TAF15: variants seen among roughly 807,000 people sequenced by gnomAD.
TAF15 encodes the protein TATA-box binding protein associated factor 15, also known as TATA-binding protein-associated factor 2N.
In TAF15, 37 loss-of-function variants were observed where a neutral mutation model predicts 102.5. The observed-to-expected ratio is 0.36, with a 90% CI of 0.28 to 0.47. The LOEUF is 0.47. Among genes scored for constraint, TAF15 ranks in the 20% least tolerant of loss-of-function variants. The pLI is 0.99. For missense variants in TAF15, 652 were observed against 760.7 expected (o/e 0.86, Z 1.68); for synonymous variants, 273 against 259.2 (o/e 1.05, Z -0.51).
chr17:35,817,249 G>A (rs1460206571), intron 1 of TAF15: 1 of 149,664 alleles, frequency 6.7e-6, no homozygotes, highest in Admixed American at 6.7e-5. Context: ...GCAAGTCTTT[G>A]GAAATATTTT....
chr17:35,812,007 A>G (rs1347188312), intron 1 of TAF15, among the ~76,000 whole-genome samples: 1 of 152,180 alleles, frequency 6.6e-6, no homozygotes, highest in Non-Finnish European at 1.5e-5. Context: ...GAGGGCATAC[A>G]CCTTTTTTAG....
In TAF15 at chr17:35,820,023, G is replaced by A; in HGVS notation, c.48-1G>A. ...TCAAGTATTAAATTTTTCTTTTGCA[G>A]TTATTCTACCTATGGAAATCCAGGC... On this transcript the variant is annotated splice_acceptor_variant, in intron 2 of 15. Coordinates refer to ENST00000605844, the MANE Select transcript of TAF15 (RefSeq NM_139215.3). LOFTEE classifies it high-confidence loss of function. 1 of 1,613,754 alleles carries A rather than the reference G, an allele frequency of 6.2e-7. No individual in the cohort carries two copies. The highest frequency in any genetic ancestry group is 8.5e-7 in the Non-Finnish European group (1 of 1,179,784).
At chr17:35,842,519 A>G in intron 12 of TAF15, 60 bp downstream of exon 12, 1 of 1,333,714 alleles carries the variant, frequency 7.5e-7, no homozygotes, top group Non-Finnish European at 1.1e-6. Context: ...TTGAGTTCAT[A>G]CTCTGTTTCT....
Position 35,844,639 on chromosome 17 carries a change from G to A in TAF15, c.1340G>A (p.Gly447Asp), listed in dbSNP as rs1250046596. The A allele has an allele frequency of 3.1e-6, 5 of 1,602,468 alleles. No homozygotes were observed. The highest frequency in any genetic ancestry group is 4.3e-6 in the Non-Finnish European group (5 of 1,173,134). ...GGAGATAGAAGTGGGGGCGGCTATG[G>A]TGGAGACAGAAGTGGGGGTGGCTAT... ...YSGDRSGGGY[G>D]GDRSGGGYGG... The change falls in exon 15 of 16, where the codon GGT (glycine) becomes GAT (aspartate). Residue 447 changes from glycine (G) to aspartate (D), a missense_variant. Around this residue, in one of 3 missense-constraint regions of TAF15, gnomAD observed 368 missense variants for 367.5 expected, o/e 1.00. Coordinates refer to ENST00000605844, the MANE Select transcript of TAF15 (RefSeq NM_139215.3).
chr17:35,834,200 A>C, intron 8 of TAF15: 1 of 376,272 alleles, frequency 2.7e-6, no homozygotes, highest in Non-Finnish European at 4.6e-6. Flanking sequence ...TGTGGTGACC[A>C]ATGAATGACA....
intron 2 of TAF15, among the ~76,000 whole-genome samples, chr17:35,818,945 G>A (rs898587211): frequency 3.3e-5 from 5 of 151,884 alleles, no homozygotes; most frequent in African/African-American, 4.8e-5. Context: ...AATATTAAGC[G>A]TTTTTTTAGT....
intron 7 of TAF15, among the ~76,000 whole-genome samples, chr17:35,831,713 C>T (rs966354048): frequency 7.2e-5 from 11 of 152,130 alleles, no homozygotes; most frequent in African/African-American, 2.4e-4. Flanking sequence ...TAAAAGTCAT[C>T]TTTATCCTCG....
At chr17:35,843,882 G>A (rs2087577068) in intron 12 of TAF15, among the ~76,000 whole-genome samples, 195 bp from the exon 13 acceptor site, 1 of 152,158 alleles carries the variant, frequency 6.6e-6, no homozygotes, top group Non-Finnish European at 1.5e-5. Flanking sequence ...TGTGTGCCTA[G>A]GGTCTGTTTT....
intron 7 of TAF15, among the ~76,000 whole-genome samples, chr17:35,833,129 C>CT (rs2087426898): frequency 6.6e-6 from 1 of 151,488 alleles, no homozygotes; most frequent in African/African-American, 2.4e-5. Flanking sequence ...TGCACTTCAG[C>CT]CTGGGTGACA....
intron 9 of TAF15, among the ~76,000 whole-genome samples, chr17:35,835,892 A>T (rs2087468516): frequency 6.6e-6 from 1 of 152,260 alleles, no homozygotes; most frequent in South Asian, 2.1e-4. Flanking sequence ...ATTGGTATAT[A>T]GGTATTTCAC....
rs748472778 is a variant in TAF15 at position 35,844,796 on chromosome 17, A to C, written c.1497A>C (p.Gly499=). ...GTGGAGGCTATGGTGGAGACCGAGGAGGCTATGGAGGAGATCGAGGAGGTT... is the reference window on the plus strand; with the variant it reads ...GTGGAGGCTATGGTGGAGACCGAGGCGGCTATGGAGGAGATCGAGGAGGTT... The part of the protein sequence containing the change: ...DRGGGYGGDR[G]GYGGDRGGYG... The change falls in exon 15 of 16, where the codon GGA becomes GGC. Residue 499 remains glycine (G), a synonymous_variant. Transcript: ENST00000605844. 1.3e-6 allele frequency: 2 copies of C among 1,593,722 alleles called. No individual in the cohort carries two copies. Among genetic ancestry groups the C allele is most frequent in the Non-Finnish European group, 1.7e-6 (2 of 1,167,798 alleles).
chr17:35,844,673 C>G lies in TAF15; in HGVS notation c.1374C>G (p.Asp458Glu), dbSNP rs1204671510. Residue 458 changes from aspartate (D) to glutamate (E), a missense_variant, in exon 15 of 16, where the codon GAC (aspartate) becomes GAG (glutamate). Physicochemically the swap from Asp to Glu is conservative, Grantham distance 45. Transcript: ENST00000605844. ...GDRSGGGYGG[D>E]RGGGYGGDRG... Reference sequence around the variant, plus strand: ...GAAGTGGGGGTGGCTATGGTGGGGACAGAGGCGGCGGCTATGGTGGGGACA... The same window carrying G: ...GAAGTGGGGGTGGCTATGGTGGGGAGAGAGGCGGCGGCTATGGTGGGGACA... 1 of 1,598,776 alleles carries G rather than the reference C, an allele frequency of 6.3e-7. No individual in the cohort carries two copies. The highest frequency in any genetic ancestry group is 8.5e-7 in the Non-Finnish European group (1 of 1,173,650).
chr17:35,827,181 A>G (rs2087340446), intron 7 of TAF15, among the ~76,000 whole-genome samples: 1 of 151,610 alleles, frequency 6.6e-6, no homozygotes, highest in African/African-American at 2.4e-5. Flanking sequence ...TAAAACTACA[A>G]AAAAATTAGC....
At position 35,826,501 on chromosome 17, in the gene TAF15, C is replaced by CAA. The variant is rs372563700; in HGVS notation, c.605+2304_605+2305insAA. Among the ~76,000 whole-genome samples the CAA allele has an allele frequency of 3.0e-4, 46 of 151,880 alleles. 1 individual carries two copies. The highest frequency in any genetic ancestry group is 2.6e-3 in the Admixed American group (39 of 15,252). ...CGTAATTAATATGTAAATGAATAAA[C>CAA]AGAGTTGTGTTCCAGTAAAGCTTCA... is the stretch of plus-strand genomic sequence containing the variant. On this transcript the variant is annotated intron_variant, in intron 7 of 15. Coordinates refer to ENST00000605844, the MANE Select transcript of TAF15 (RefSeq NM_139215.3).
chr17:35,831,492 T>G (rs1459576649), intron 7 of TAF15, among the ~76,000 whole-genome samples: 1 of 152,160 alleles, frequency 6.6e-6, no homozygotes, highest in Non-Finnish European at 1.5e-5. Flanking sequence ...TTGTTTTATA[T>G]CCCTTTATTT....
In TAF15 at chr17:35,844,813, G is replaced by C. The variant is rs759651693; in HGVS notation, c.1514G>C (p.Arg505Pro). The change falls in exon 15 of 16, where the codon CGA (arginine) becomes CCA (proline). Residue 505 changes from arginine (R) to proline (P), a missense_variant. Physicochemically the swap from Arg to Pro is moderately radical, Grantham distance 103. Coordinates refer to ENST00000605844, the MANE Select transcript of TAF15 (RefSeq NM_139215.3). ...GGDRGGYGGDRGGYGGDRGGY... is the reference protein window; with the variant it reads ...GGDRGGYGGDPGGYGGDRGGY... ...GACCGAGGAGGCTATGGAGGAGATC[G>C]AGGAGGTTACGGAGGAGATCGAGGA... 6.3e-7 allele frequency: 1 copy of C among 1,596,878 alleles called. No individual in the cohort carries two copies. The highest frequency in any genetic ancestry group is 1.1e-5 in the South Asian group (1 of 90,414).
At chr17:35,813,251 A>G (rs2087148541) in intron 1 of TAF15, among the ~76,000 whole-genome samples, 1 of 152,138 alleles carries the variant, frequency 6.6e-6, no homozygotes, top group East Asian at 1.9e-4. Context: ...AGCAGAAGAA[A>G]GAATTACAGA....
chr17:35,836,373 G>A (rs2087475127), intron 10 of TAF15, 132 bp downstream of exon 10: 7 of 654,554 alleles, frequency 1.1e-5, no homozygotes, highest in Non-Finnish European at 1.9e-5. Flanking sequence ...GCTCGTTTAT[G>A]TCTGTAGACG....
chr17:35,820,517 C>A, intron 5 of TAF15, 80 bp downstream of exon 5: 1 of 1,381,808 alleles, frequency 7.2e-7, no homozygotes, highest in Non-Finnish European at 1.0e-6. Context: ...CCAACAAAAT[C>A]CTAGCTTTAA....
Sources: gnomAD v4.1 joint callset for allele counts (sites outside exome capture counted in the v4.1 genomes callset) on GRCh38, gnomAD v4.1.1 for gene constraint, gnomAD v4.1.1 regional missense constraint, MANE v1.5 for transcripts, NCBI Gene and HGNC (gene_info 2026-07-23, HGNC 2026-07-21) for gene names.